The following ABLIM1 variants were observed in gnomAD, a reference collection of about 807,000 sequenced individuals.
The protein encoded by ABLIM1 is actin binding LIM protein 1.
In ABLIM1, 40 loss-of-function variants were observed where a neutral mutation model predicts 107.0. That is an observed-to-expected ratio of 0.37 (90% CI 0.29 to 0.49). ABLIM1 has a LOEUF of 0.49. Ranked by LOEUF, ABLIM1 falls within the 20% of genes least tolerant of loss-of-function variation. The pLI is 0.97. For synonymous variants in ABLIM1, 357 were observed against 357.3 expected, an observed-to-expected ratio of 1.00 and a Z score of 0.01; for missense variants, 857 against 1,008.5, an observed-to-expected ratio of 0.85 and a Z score of 2.04.
At position 114,511,535 on chromosome 10, in the gene ABLIM1, T is replaced by C. The variant is rs574996966; in HGVS notation, c.895-19657A>G. Among the ~76,000 whole-genome samples the C allele has an allele frequency of 1.4e-4, 21 of 151,898 alleles. No individual in the cohort carries two copies. The East Asian group carries it at 3.7e-3, about 27-fold the overall frequency. On this transcript the variant is annotated intron_variant, in intron 6 of 22. Coordinates refer to ENST00000533213, the MANE Select transcript of ABLIM1 (RefSeq NM_002313.7). ...CATGCACCACCACACCCAGCTAATT[T>C]TTGTATTTTCAGTAGAGACAGAGTT... is the stretch of plus-strand genomic sequence containing the variant.
At position 114,473,294 on chromosome 10, in the gene ABLIM1, T is replaced by C. The variant is rs79717682; in HGVS notation, c.1120-162A>G. Among the ~76,000 whole-genome samples, 5 of 152,246 alleles carry C rather than the reference T, an allele frequency of 3.3e-5. No individual in the cohort carries two copies. In the East Asian group the frequency reaches 9.6e-4, roughly 29 times the overall value. On this transcript the variant is annotated intron_variant, in intron 9 of 22. Coordinates refer to ENST00000533213, the MANE Select transcript of ABLIM1 (RefSeq NM_002313.7). ...TATACTCTTCAGAAGTTGCCCTTTATACCATATATTAATCATGTTTTTTTA... is the reference window on the plus strand; with the variant it reads ...TATACTCTTCAGAAGTTGCCCTTTACACCATATATTAATCATGTTTTTTTA...
exon 1 of ABLIM1, chr10:114,684,689 G>C: frequency 9.2e-7 from 1 of 1,089,936 alleles, no homozygotes; most frequent in Non-Finnish European, 1.1e-6. Context: ...TTTCTGGGAA[G>C]CCACTATTAG....
chr10:114,472,842 TG>T, intron 10 of ABLIM1, 134 bp downstream of exon 10: 1 of 811,224 alleles, frequency 1.2e-6, no homozygotes, highest in Non-Finnish European at 1.8e-6. Flanking sequence ...TCAAAGCACC[TG>T]GTCTAGAAAT....
At chr10:114,715,540 T>A (rs1353984237) in intron 1 of ABLIM1, among the ~76,000 whole-genome samples, 1 of 152,154 alleles carries the variant, frequency 6.6e-6, no homozygotes, top group East Asian at 1.9e-4. Context: ...AGGCTAACGT[T>A]GCAGCTCAGA....
chr10:114,697,028 A>C (rs1372956468), intron 1 of ABLIM1, among the ~76,000 whole-genome samples: 1 of 152,222 alleles, frequency 6.6e-6, no homozygotes, highest in African/African-American at 2.4e-5. Context: ...GGGTTCAATA[A>C]GAACTAGAAT....
At chr10:114,452,080 C>A (rs2062002740) in intron 13 of ABLIM1, among the ~76,000 whole-genome samples, 1 of 151,886 alleles carries the variant, frequency 6.6e-6, no homozygotes, top group African/African-American at 2.4e-5. Flanking sequence ...ACCAGTGGCT[C>A]AATTTACTTT....
intron 1 of ABLIM1, among the ~76,000 whole-genome samples, chr10:114,727,543 A>G (rs1348959535): frequency 6.6e-6 from 1 of 152,246 alleles, no homozygotes; most frequent in Non-Finnish European, 1.5e-5. Flanking sequence ...GTCAAACTGA[A>G]ACTTTTAGAA....
chr10:114,595,138 C>CAAAAAA (rs11301686), intron 2 of ABLIM1: 1 of 142,034 alleles, frequency 7.0e-6, no homozygotes. Flanking sequence ...AAGTTTCTGG[C>CAAAAAA]AAAAAAAAAA....
chr10:114,577,654 A>T (rs1405968783), intron 2 of ABLIM1, among the ~76,000 whole-genome samples: 3 of 152,218 alleles, frequency 2.0e-5, no homozygotes, highest in Non-Finnish European at 4.4e-5. Flanking sequence ...GTTTCTGTGA[A>T]CATAACATAG....
rs373508923 is a variant in ABLIM1 at position 114,436,384 on chromosome 10, G to GA, written c.2224-12dup. ...AGGGGCTAAGTGGCGCTGGGAAGAA[G>GA]AAAAAAAAAAAAGAGCTGCTGTCAG... On this transcript the variant is annotated splice_polypyrimidine_tract_variant and intron_variant, in intron 22 of 22. Transcript: ENST00000533213. 60,872 of 1,111,164 alleles carry GA rather than the reference G, an allele frequency of 0.055. No individual in the cohort carries two copies. The highest frequency in any genetic ancestry group is 0.062 in the South Asian group (3,599 of 58,292). 68.8% of individuals were successfully genotyped at this position (1,111,164 alleles called of 1,614,324 possible). A position where few individuals can be genotyped will look rare whatever the true frequency, so the allele number is the denominator to read the frequency against.
At chr10:114,682,694 G>A (rs901290255) in intron 1 of ABLIM1, among the ~76,000 whole-genome samples, 1 of 152,088 alleles carries the variant, frequency 6.6e-6, no homozygotes, top group Non-Finnish European at 1.5e-5. Flanking sequence ...GATTCCAGCT[G>A]GTAGCAAGTG....
chr10:114,694,228 A>T (rs1245919986), intron 1 of ABLIM1, among the ~76,000 whole-genome samples: 1 of 152,206 alleles, frequency 6.6e-6, no homozygotes, highest in Non-Finnish European at 1.5e-5. Context: ...TTCACTCATA[A>T]GGTAGCAAAC....
At chr10:114,734,908 T>C (rs2082148047) in intron 1 of ABLIM1, among the ~76,000 whole-genome samples, 1 of 152,088 alleles carries the variant, frequency 6.6e-6, no homozygotes, top group African/African-American at 2.4e-5. Context: ...AATAATTAAG[T>C]AAACGTAGGA....
chr10:114,519,663 G>C (rs2063434205), intron 6 of ABLIM1, among the ~76,000 whole-genome samples: 3 of 152,196 alleles, frequency 2.0e-5, no homozygotes, highest in Admixed American at 6.5e-5. Flanking sequence ...TCTTGCTCAG[G>C]GATGGTTAAA....
chr10:114,578,493 A>C (rs1317459247), intron 2 of ABLIM1, among the ~76,000 whole-genome samples: 2 of 144,822 alleles, frequency 1.4e-5, no homozygotes, highest in Non-Finnish European at 1.5e-5. Flanking sequence ...TACAACCTCC[A>C]CCTCTCCAGT....
At chr10:114,608,436 G>A (rs901653530) in intron 1 of ABLIM1, among the ~76,000 whole-genome samples, 9 of 152,132 alleles carry the variant, frequency 5.9e-5, no homozygotes, top group Non-Finnish European at 1.5e-5. Flanking sequence ...TTGGGAGGCC[G>A]AGGCGGGCGG....
At chr10:114,665,978 T>C (rs866873219) in intron 1 of ABLIM1, among the ~76,000 whole-genome samples, 6 of 152,254 alleles carry the variant, frequency 3.9e-5, no homozygotes, top group African/African-American at 1.4e-4. Context: ...TACAGTCTTT[T>C]AAATGTGGCT....
intron 6 of ABLIM1, chr10:114,527,077 G>T: frequency 1.6e-6 from 1 of 634,972 alleles, no homozygotes; most frequent in Non-Finnish European, 2.0e-6. Context: ...GTCTGCATGT[G>T]AAACCGACAG....
At chr10:114,496,830 G>C (rs1355876820) in intron 6 of ABLIM1, among the ~76,000 whole-genome samples, 1 of 152,150 alleles carries the variant, frequency 6.6e-6, no homozygotes, top group African/African-American at 2.4e-5. Flanking sequence ...TGTTTTTGCA[G>C]CAGTGCAGGC....
Sources: allele counts gnomAD v4.1 joint callset (sites outside exome capture counted in the v4.1 genomes callset), GRCh38; gene constraint gnomAD v4.1.1; transcripts MANE v1.5; gene names NCBI Gene and HGNC (gene_info 2026-07-23, HGNC 2026-07-21).